The following MKRN2OS variants were observed in gnomAD, a reference collection of about 807,000 sequenced individuals.
The protein encoded by MKRN2OS is MKRN2 opposite strand protein.
MKRN2OS carries 17 observed loss-of-function variants against 18.2 expected under a neutral mutation model. The observed-to-expected ratio is 0.93, with a 90% CI of 0.64 to 1.40. MKRN2OS has a LOEUF of 1.40. Ranked by LOEUF, MKRN2OS falls within the 40% of genes most tolerant of loss-of-function variation. MKRN2OS has a pLI of 0.00. For missense variants in MKRN2OS, 337 were observed against 283.0 expected, an observed-to-expected ratio of 1.19 and a Z score of -1.37; for synonymous variants, 121 against 108.5, an observed-to-expected ratio of 1.12 and a Z score of -0.72.
upstream of MKRN2OS, among the ~76,000 whole-genome samples, chr3:12,548,033 G>A (rs2057899263): frequency 6.6e-6 from 1 of 152,144 alleles, no homozygotes; most frequent in African/African-American, 2.4e-5. Context: ...GGTACGGCCG[G>A]GCGCAGTGGC....
At chr3:12,550,616 A>G (rs1015595406), downstream of MKRN2OS, among the ~76,000 whole-genome samples, 2 of 152,210 alleles carry the variant, frequency 1.3e-5, no homozygotes, top group Non-Finnish European at 2.9e-5. Context: ...TCTTCCAAGT[A>G]TATTTTACTT....
chr3:12,553,945 CAAAG>C (rs1017466954), exon 2 of MKRN2OS: 20 of 152,288 alleles, frequency 1.3e-4, no homozygotes, highest in African/African-American at 3.8e-4. Flanking sequence ...GGTCGGCACA[CAAAG>C]AAAACGAAAG....
rs1400075148 is a variant in MKRN2OS, at chr3:12,541,969, C to T, written c.322G>A (p.Glu108Lys). 1 of 1,536,102 alleles carries T rather than the reference C, an allele frequency of 6.5e-7. No individual in the cohort carries two copies. The highest frequency in any genetic ancestry group is 8.7e-7 in the Non-Finnish European group (1 of 1,146,894). Residue 108 changes from glutamate (E) to lysine (K), a missense_variant, in exon 3 of 4, where the codon GAA becomes AAA. Glu to Lys is a moderately conservative substitution (Grantham distance 56). Coordinates refer to ENST00000564146, the MANE Select transcript of MKRN2OS (RefSeq NM_001195279.2). ...HGVQRDGEGW[E>K]ESISIPLLQP... ...AGTAATGGGATGCTTATGCTCTCTTCCCACCCTTCTCCGTCTCGCTGGACA... is the reference window on the plus strand; with the variant it reads ...AGTAATGGGATGCTTATGCTCTCTTTCCACCCTTCTCCGTCTCGCTGGACA...
At chr3:12,545,167 T>C in intron 1 of MKRN2OS, 80 bp downstream of exon 1, 1 of 1,172,344 alleles carries the variant, frequency 8.5e-7, no homozygotes, top group Non-Finnish European at 1.2e-6. Flanking sequence ...ACATTATGTA[T>C]TAAGAAAAGG....
upstream of MKRN2OS, among the ~76,000 whole-genome samples, chr3:12,546,359 G>A (rs1191601749): frequency 1.3e-5 from 2 of 152,098 alleles, no homozygotes; most frequent in Admixed American, 6.6e-5. Flanking sequence ...ACAGGAGGGA[G>A]ATACTGACTG....
exon 2 of MKRN2OS, chr3:12,553,847 C>T (rs2125295235): frequency 6.6e-6 from 1 of 152,222 alleles, no homozygotes; most frequent in East Asian, 1.9e-4. Context: ...ATACAAAGAT[C>T]CAGTGTATTT....
rs1410505033 is a variant in MKRN2OS at position 12,545,475 on chromosome 3, T to C, written c.-11A>G. The C allele has an allele frequency of 1.3e-6, 2 of 1,498,814 alleles. No individual in the cohort carries two copies. The highest frequency in any genetic ancestry group is 8.9e-7 in the Non-Finnish European group (1 of 1,125,258). The allele number at this position is 1,498,814 out of a possible 1,614,324, so 92.8% of individuals were successfully genotyped here. A position where few individuals can be genotyped will look rare whatever the true frequency, so the allele number is the denominator to read the frequency against. On this transcript the variant is annotated 5_prime_UTR_variant, in exon 1 of 4. Transcript: ENST00000564146. Reference sequence around the variant, plus strand: ...CTCTGCGCAGTGCATAGCTTTCGCCTCCTGGAATGCTAGGGGAGGTTTCCG... The same window carrying C: ...CTCTGCGCAGTGCATAGCTTTCGCCCCCTGGAATGCTAGGGGAGGTTTCCG...
upstream of MKRN2OS, among the ~76,000 whole-genome samples, chr3:12,548,483 C>CAA (rs1491476123): frequency 6.2e-5 from 1 of 16,136 alleles, no homozygotes; most frequent in Non-Finnish European, 1.1e-4. Flanking sequence ...AAAAAAAAAA[C>CAA]CAGCCGAGCG....
chr3:12,550,632 T>C (rs1247968315), downstream of MKRN2OS, among the ~76,000 whole-genome samples: 4 of 152,212 alleles, frequency 2.6e-5, no homozygotes, highest in African/African-American at 9.6e-5. Context: ...TACTTTCTTT[T>C]CATTCCTGCT....
rs1338657592 is a variant in MKRN2OS, at chr3:12,540,067, G to GT, written c.*125_*126insA. ...CCCAAAGTGCTGGGATTACAGGTGT[G>GT]AGCCACCATGCCCGGCCCATACACG... On this transcript the variant is annotated 3_prime_UTR_variant, in exon 4 of 4. Coordinates refer to ENST00000564146, the MANE Select transcript of MKRN2OS (RefSeq NM_001195279.2). 3.4e-5 allele frequency: 46 copies of GT among 1,370,552 alleles called. No homozygotes were observed. The highest frequency in any genetic ancestry group is 4.9e-6 in the Non-Finnish European group (5 of 1,017,306). The allele number at this position is 1,370,552 out of a possible 1,614,324, so 84.9% of individuals were successfully genotyped here.
At chr3:12,559,963 TG>T (rs2058022806) in intron 1 of MKRN2OS, among the ~76,000 whole-genome samples, 1 of 152,082 alleles carries the variant, frequency 6.6e-6, no homozygotes, top group African/African-American at 2.4e-5. Context: ...TCACAAAACA[TG>T]GGGGATCTTT....
downstream of MKRN2OS, among the ~76,000 whole-genome samples, chr3:12,550,537 A>AC (rs761405052): frequency 2.6e-5 from 4 of 152,078 alleles, no homozygotes; most frequent in African/African-American, 7.2e-5. Context: ...AAATAGCAAG[A>AC]CCCCATCTCT....
intron 3 of MKRN2OS, 130 bp from the exon 4 acceptor site, chr3:12,540,563 G>A (rs1553606118): frequency 9.1e-7 from 1 of 1,095,664 alleles, no homozygotes; most frequent in Non-Finnish European, 1.3e-6. Context: ...TGGCTTATGT[G>A]GTTAAGAAGC....
At chr3:12,551,194 TAA>T (rs56389348), downstream of MKRN2OS, among the ~76,000 whole-genome samples, 326 of 136,788 alleles carry the variant, frequency 2.4e-3, 3 homozygotes, top group African/African-American at 5.0e-3. Context: ...TACACTTTAT[TAA>T]AAAAAAAAAA....
intron 1 of MKRN2OS, among the ~76,000 whole-genome samples, chr3:12,560,594 G>A (rs1369930120): frequency 2.6e-5 from 4 of 151,994 alleles, no homozygotes; most frequent in East Asian, 3.9e-4. Context: ...AAACCAGATT[G>A]ATTGTTTTGC....
At chr3:12,551,705 T>C (rs2442816), downstream of MKRN2OS, among the ~76,000 whole-genome samples, 1 of 151,110 alleles carries the variant, frequency 6.6e-6, no homozygotes, top group South Asian at 2.1e-4. Flanking sequence ...GGAGGCCAAG[T>C]TGGGCAGATC....
At chr3:12,544,256 A>G (rs899661490) in intron 1 of MKRN2OS, among the ~76,000 whole-genome samples, 1 of 152,198 alleles carries the variant, frequency 6.6e-6, no homozygotes, top group Non-Finnish European at 1.5e-5. Flanking sequence ...GCATTAGACT[A>G]ATGATACGCA....
chr3:12,555,009 T>A (rs1174198734), intron 1 of MKRN2OS, among the ~76,000 whole-genome samples: 1 of 152,142 alleles, frequency 6.6e-6, no homozygotes, highest in Non-Finnish European at 1.5e-5. Flanking sequence ...TAAGCTGAAT[T>A]TTAAAAATAA....
intron 1 of MKRN2OS, among the ~76,000 whole-genome samples, chr3:12,558,760 G>T (rs1439956947): frequency 2.0e-5 from 3 of 152,178 alleles, no homozygotes; most frequent in African/African-American, 7.2e-5. Context: ...TGTTCTGTAG[G>T]ATGTTGCTCC....
Sources: allele counts gnomAD v4.1 joint callset (sites outside exome capture counted in the v4.1 genomes callset), GRCh38; gene constraint gnomAD v4.1.1; transcripts MANE v1.5; gene names NCBI Gene and HGNC (gene_info 2026-07-23, HGNC 2026-07-21).